Variants in SLC9A9 observed in about 807,000 individuals in gnomAD.
SLC9A9 encodes solute carrier family 9 member A9.
SLC9A9 carries 62 observed loss-of-function variants against 77.8 expected under a neutral mutation model. The observed-to-expected ratio is 0.80, with a 90% confidence interval of 0.65 to 0.98. SLC9A9 has a LOEUF of 0.98. Ranked by LOEUF, SLC9A9 falls within the 50% of genes least tolerant of loss-of-function variation. The probability of loss-of-function intolerance (pLI) is 0.00; values close to 1 mark genes in which losing one functional copy is unlikely to be tolerated. For synonymous variants in SLC9A9, 320 were observed against 283.5 expected (o/e 1.13, Z -1.29); for missense variants, 775 against 774.9 (o/e 1.00, Z 0.00).
At chr3:143,572,587 C>T (rs1332075979) in intron 8 of SLC9A9, among the ~76,000 whole-genome samples, 1 of 152,098 alleles carries the variant, frequency 6.6e-6, no homozygotes, top group Admixed American at 6.6e-5. Flanking sequence ...ATAAGCTTTC[C>T]AGCTACCTCC....
chr3:143,475,850 G>T (rs896907503), intron 11 of SLC9A9, among the ~76,000 whole-genome samples: 2 of 140,638 alleles, frequency 1.4e-5, no homozygotes. Flanking sequence ...GATGGACAGG[G>T]ATGAGAACTG....
At chr3:143,535,501 G>T (rs533354124) in intron 9 of SLC9A9, among the ~76,000 whole-genome samples, 2 of 152,142 alleles carry the variant, frequency 1.3e-5, no homozygotes, top group African/African-American at 2.4e-5. Context: ...TGTGTAACTT[G>T]CTTAATATTA....
intron 14 of SLC9A9, among the ~76,000 whole-genome samples, chr3:143,325,362 A>G (rs1197470989): frequency 6.6e-6 from 1 of 152,232 alleles, no homozygotes; most frequent in Admixed American, 6.5e-5. Flanking sequence ...TTGTTAACAG[A>G]TCAGTGGAAC....
chr3:143,504,034 C>T (rs2035969279), intron 9 of SLC9A9: 10 of 484,842 alleles, frequency 2.1e-5, no homozygotes, highest in South Asian at 1.3e-4. Context: ...GGTAGGATCT[C>T]ACTCCTGGAA....
Position 143,328,582 on chromosome 3 carries a change from T to C in SLC9A9, c.1604+34902A>G, listed in dbSNP as rs1194040196. The stretch of plus-strand genomic sequence containing the variant: ...ACCCTACACGGTATTCAAAGCCCAG[T>C]GCAATGCCATCCCCTTTATCAGAAC... On this transcript the variant is annotated intron_variant, in intron 14 of 15. Coordinates refer to ENST00000316549, the MANE Select transcript of SLC9A9 (RefSeq NM_173653.4). 3.3e-5 allele frequency among the ~76,000 whole-genome samples: 5 copies of C among 152,314 alleles called. 1 individual carries two copies. In the East Asian group the frequency reaches 9.7e-4, roughly 29 times the overall value.
intron 2 of SLC9A9, among the ~76,000 whole-genome samples, chr3:143,825,480 A>T (rs925761467): frequency 2.6e-5 from 4 of 152,228 alleles, no homozygotes; most frequent in African/African-American, 9.6e-5. Context: ...ATTCTTCAAA[A>T]ACAAAATTAC....
At chr3:143,695,431 C>T (rs35143648) in intron 4 of SLC9A9, among the ~76,000 whole-genome samples, 64,886 of 151,786 alleles carry the variant, frequency 0.43, 14,062 homozygotes, top group South Asian at 0.6. Context: ...TGAGGACATG[C>T]GGTGTTTGGT....
chr3:143,453,171 T>G (rs1236178814), intron 12 of SLC9A9, among the ~76,000 whole-genome samples: 2 of 152,026 alleles, frequency 1.3e-5, no homozygotes, highest in African/African-American at 4.8e-5. Flanking sequence ...AATTTTACCT[T>G]GAATACACAA....
chr3:143,720,482 T>C (rs1010847746), intron 4 of SLC9A9, among the ~76,000 whole-genome samples: 1 of 152,226 alleles, frequency 6.6e-6, no homozygotes, highest in African/African-American at 2.4e-5. Context: ...CCGGCCTCAC[T>C]TGCTGAAGAA....
At chr3:143,516,683 C>T (rs939209817) in intron 9 of SLC9A9, among the ~76,000 whole-genome samples, 2 of 152,114 alleles carry the variant, frequency 1.3e-5, no homozygotes, top group African/African-American at 4.8e-5. Context: ...GCCTCTCCTA[C>T]CCTATGTAAA....
chr3:143,570,141 A>G (rs16853833), intron 8 of SLC9A9, among the ~76,000 whole-genome samples: 2,813 of 152,180 alleles, frequency 0.018, 77 homozygotes, highest in African/African-American at 0.064. Flanking sequence ...CTGAACTACA[A>G]TGTGACAAAG....
At chr3:143,532,598 C>T (rs1489429874) in intron 9 of SLC9A9, among the ~76,000 whole-genome samples, 3 of 151,984 alleles carry the variant, frequency 2.0e-5, no homozygotes, top group Admixed American at 6.6e-5. Flanking sequence ...TCATGAAACT[C>T]GAATATAAAA....
intron 2 of SLC9A9, among the ~76,000 whole-genome samples, chr3:143,800,178 C>T (rs2008512813): frequency 6.6e-6 from 1 of 152,148 alleles, no homozygotes; most frequent in Non-Finnish European, 1.5e-5. Context: ...CCTTAATCCA[C>T]AGGTATGGGA....
chr3:143,379,146 T>C (rs2033245290), intron 13 of SLC9A9, among the ~76,000 whole-genome samples: 1 of 152,152 alleles, frequency 6.6e-6, no homozygotes, highest in Non-Finnish European at 1.5e-5. Flanking sequence ...TCTGTGTATG[T>C]GTTAAGGCTG....
chr3:143,377,949 G>T (rs895119582), intron 13 of SLC9A9, among the ~76,000 whole-genome samples: 5 of 152,170 alleles, frequency 3.3e-5, no homozygotes, highest in African/African-American at 1.2e-4. Flanking sequence ...TGACTCCAAT[G>T]CCTCCATACT....
At position 143,544,938 on chromosome 3, in the gene SLC9A9, CT is replaced by C. The variant is rs201276287; in HGVS notation, c.1089+7423del. 4.3e-3 allele frequency among the ~76,000 whole-genome samples: 656 copies of C among 151,950 alleles called. 3 individuals are homozygous for C. Among genetic ancestry groups the C allele is most frequent in the Middle Eastern group, 6.8e-3 (2 of 294 alleles). On this transcript the variant is annotated intron_variant, in intron 9 of 15. Coordinates refer to ENST00000316549, the MANE Select transcript of SLC9A9 (RefSeq NM_173653.4). The stretch of plus-strand genomic sequence containing the variant: ...ATTGAACAGGGATTCTTCCCCATTG[CT>C]TTTTTTTGTTGCCTGTGTCAAAGAC...
chr3:143,603,812 C>T (rs1183028914), intron 6 of SLC9A9, among the ~76,000 whole-genome samples: 2 of 152,228 alleles, frequency 1.3e-5, no homozygotes, highest in African/African-American at 4.8e-5. Flanking sequence ...CATAGCAGAT[C>T]ACCAGAAACA....
intron 9 of SLC9A9, among the ~76,000 whole-genome samples, chr3:143,515,533 GT>G (rs1171572311): frequency 6.6e-6 from 1 of 152,112 alleles, no homozygotes; most frequent in Non-Finnish European, 1.5e-5. Context: ...GTTTTCTACA[GT>G]TTTTTTCCCA....
intron 12 of SLC9A9, among the ~76,000 whole-genome samples, chr3:143,383,191 G>C (rs781424515): frequency 9.2e-5 from 14 of 152,192 alleles, no homozygotes. Context: ...GTCTGGCTCA[G>C]TCCATCTCAA....
Sources: gnomAD v4.1 joint callset for allele counts (sites outside exome capture counted in the v4.1 genomes callset) on GRCh38, gnomAD v4.1.1 for gene constraint, MANE v1.5 for transcripts, NCBI Gene and HGNC (gene_info 2026-07-23, HGNC 2026-07-21) for gene names.